Variants in AIG1 observed in about 807,000 individuals in gnomAD.
The protein encoded by AIG1 is androgen-induced gene 1 protein.
Under a neutral mutation model 31.4 loss-of-function variants are expected in AIG1, and 23 were observed. The ratio of observed to expected loss-of-function variants is 0.73; its 90% confidence interval spans 0.53 to 1.04. The LOEUF is 1.04. Ranked by LOEUF, AIG1 falls within the 50% of genes least tolerant of loss-of-function variation. The pLI is 0.00. For synonymous variants in AIG1, 100 were observed against 110.5 expected (o/e 0.90, Z 0.60); for missense variants, 274 against 295.0 (o/e 0.93, Z 0.52).
At chr6:143,134,639 T>C (rs1783568282) in intron 1 of AIG1, among the ~76,000 whole-genome samples, 1 of 151,736 alleles carries the variant, frequency 6.6e-6, no homozygotes, top group South Asian at 2.1e-4. Context: ...ATAAATAGAG[T>C]ATATGCATCT....
At position 143,297,620 on chromosome 6, in the gene AIG1, G is replaced by A. The variant is rs999183744; in HGVS notation, c.515+13395G>A. ...TGGGTGATTGGTTGATTGGTAGAGT[G>A]GTTGGCCCATTTCCTGTAACACTGC... On this transcript the variant is annotated intron_variant, in intron 4 of 5. Transcript: ENST00000357847. The surrounding 1 kb of genome is among the most constrained non-coding windows in gnomAD (Gnocchi z 5.1). Among the ~76,000 whole-genome samples the A allele has an allele frequency of 9.9e-5, 15 of 152,076 alleles. No homozygotes were observed. The highest frequency in any genetic ancestry group is 2.1e-4 in the Non-Finnish European group (14 of 68,002).
rs1795385100 is a variant in AIG1 at position 143,256,538 on chromosome 6, T to C, written c.400-27572T>C. Among the ~76,000 whole-genome samples the C allele has an allele frequency of 6.6e-6, 1 of 152,360 alleles. No individual in the cohort carries two copies. On this transcript the variant is annotated intron_variant, in intron 3 of 5. Transcript: ENST00000357847. The surrounding 1 kb of genome is among the most constrained non-coding windows in gnomAD (Gnocchi z 4.6). ...TCTTGCACAGTGATTTTCAAATGTTTCTTTAGTTATTGAACCCTAAATCCA... is the reference window on the plus strand; with the variant it reads ...TCTTGCACAGTGATTTTCAAATGTTCCTTTAGTTATTGAACCCTAAATCCA...
intron 1 of AIG1, among the ~76,000 whole-genome samples, chr6:143,134,388 C>G (rs866875344): frequency 9.3e-5 from 13 of 139,882 alleles, no homozygotes; most frequent in African/African-American, 2.1e-4. Context: ...GAATTCTTTC[C>G]TGGTTTCCTT....
rs1583428601 is a variant in AIG1, at chr6:143,178,464, G to C, written c.399+13281G>C. Among the ~76,000 whole-genome samples the C allele has an allele frequency of 2.0e-5, 3 of 152,330 alleles. No homozygotes were observed. The South Asian group carries it at 6.2e-4, about 32-fold the overall frequency. ...GCTCCCTATACTGAGCTCAGGGCCTGTCAGGGCTGGGGGCTCTCCTCTTAT... is the reference window on the plus strand; with the variant it reads ...GCTCCCTATACTGAGCTCAGGGCCTCTCAGGGCTGGGGGCTCTCCTCTTAT... On this transcript the variant is annotated intron_variant, in intron 3 of 5. Coordinates refer to ENST00000357847, the MANE Select transcript of AIG1 (RefSeq NM_016108.4).
chr6:143,192,608 GAA>G (rs59209805), intron 3 of AIG1, among the ~76,000 whole-genome samples: 6 of 113,920 alleles, frequency 5.3e-5, no homozygotes, highest in East Asian at 2.6e-4. Context: ...TCCATCTCAA[GAA>G]AAAAAAAAAA....
chr6:143,183,220 G>A (rs1208813639), intron 3 of AIG1, among the ~76,000 whole-genome samples: 7 of 141,492 alleles, frequency 4.9e-5, no homozygotes, highest in South Asian at 2.2e-4. Context: ...TTTTGGAGAC[G>A]GAGTCTCGCT....
chr6:143,129,512 A>G (rs988786984), intron 1 of AIG1, among the ~76,000 whole-genome samples: 1 of 152,170 alleles, frequency 6.6e-6, no homozygotes, highest in Non-Finnish European at 1.5e-5. Context: ...ATTGGGTAAG[A>G]AGATGAATCA....
intron 3 of AIG1, among the ~76,000 whole-genome samples, chr6:143,260,407 A>G (rs957113313): frequency 2.0e-5 from 3 of 152,194 alleles, no homozygotes; most frequent in Admixed American, 2.0e-4. Context: ...TTTATTAAAT[A>G]ATTGGAATTT....
chr6:143,147,978 C>T (rs776920742), intron 2 of AIG1, among the ~76,000 whole-genome samples: 54 of 152,108 alleles, frequency 3.6e-4, no homozygotes, highest in Non-Finnish European at 1.3e-4. Flanking sequence ...CATTTTACTT[C>T]GCAGAAGACT....
intron 4 of AIG1, among the ~76,000 whole-genome samples, chr6:143,317,809 A>G (rs896565117): frequency 6.6e-6 from 1 of 151,552 alleles, no homozygotes; most frequent in African/African-American, 2.4e-5. Context: ...CAGGATACAA[A>G]ATCAATCTAC....
At chr6:143,214,541 G>A (rs866906502) in intron 3 of AIG1, among the ~76,000 whole-genome samples, 1 of 152,138 alleles carries the variant, frequency 6.6e-6, no homozygotes, top group South Asian at 2.1e-4. Flanking sequence ...AATATGTGAT[G>A]GGGTAAATAG....
Position 143,293,094 on chromosome 6 carries a change from G to T in AIG1, c.515+8869G>T, listed in dbSNP as rs1798166092. Among the ~76,000 whole-genome samples, 1 of 152,102 alleles carries T rather than the reference G, an allele frequency of 6.6e-6. No homozygotes were observed. The highest frequency in any genetic ancestry group is 2.1e-4 in the South Asian group (1 of 4,822). On this transcript the variant is annotated intron_variant, in intron 4 of 5. Transcript: ENST00000357847. The surrounding 1 kb of genome is among the most constrained non-coding windows in gnomAD (Gnocchi z 4.8). ...CTCACAGAGTTGTGAGGATTAATGA[G>T]CCCATAGGGATGCTCAGGAAATGAG...
At chr6:143,084,994 G>A (rs1365082538) in intron 1 of AIG1, among the ~76,000 whole-genome samples, 1 of 152,136 alleles carries the variant, frequency 6.6e-6, no homozygotes, top group Admixed American at 6.5e-5. Context: ...CTGCAGTTAC[G>A]GTGGCACTTC....
chr6:143,169,151 C>T (rs1787255367), intron 3 of AIG1, among the ~76,000 whole-genome samples: 1 of 151,662 alleles, frequency 6.6e-6, no homozygotes, highest in African/African-American at 2.4e-5. Flanking sequence ...TTTTATTTAG[C>T]ACTTCATTAG....
intron 3 of AIG1, among the ~76,000 whole-genome samples, chr6:143,170,880 A>C (rs958133969): frequency 6.6e-6 from 1 of 151,962 alleles, no homozygotes; most frequent in African/African-American, 2.4e-5. Flanking sequence ...TTGAAATAAA[A>C]AAAAATCCAT....
intron 2 of AIG1, among the ~76,000 whole-genome samples, chr6:143,145,731 T>TA (rs768941530): frequency 6.6e-6 from 1 of 152,282 alleles, no homozygotes. Context: ...TCAGGAGTTT[T>TA]AAAAAATGTA....
At chr6:143,301,590 G>T (rs899623570) in intron 4 of AIG1, among the ~76,000 whole-genome samples, 1 of 152,180 alleles carries the variant, frequency 6.6e-6, no homozygotes, top group African/African-American at 2.4e-5. Flanking sequence ...AAGCAAATAC[G>T]TCCTTCTTCA....
intron 2 of AIG1, among the ~76,000 whole-genome samples, chr6:143,157,412 C>G (rs1395170817): frequency 6.7e-6 from 1 of 149,900 alleles, no homozygotes; most frequent in Non-Finnish European, 1.5e-5. Flanking sequence ...TCTGAATTTC[C>G]TTCTGTTTTC....
At chr6:143,168,875 A>G (rs1298120705) in intron 3 of AIG1, among the ~76,000 whole-genome samples, 1 of 152,094 alleles carries the variant, frequency 6.6e-6, no homozygotes, top group Non-Finnish European at 1.5e-5. Context: ...ATAAATTTTG[A>G]TTATTTTATT....
Sources: allele counts gnomAD v4.1 joint callset (sites outside exome capture counted in the v4.1 genomes callset), GRCh38; gene constraint gnomAD v4.1.1; non-coding constraint Gnocchi (gnomAD v3.1); transcripts MANE v1.5; gene names NCBI Gene and HGNC (gene_info 2026-07-23, HGNC 2026-07-21).